Variants in RALGPS1 observed in about 807,000 individuals in gnomAD.
RALGPS1 encodes ras-specific guanine nucleotide-releasing factor RalGPS1.
In RALGPS1, 19 loss-of-function variants were observed where a neutral mutation model predicts 78.8. That is an observed-to-expected ratio of 0.24 (90% CI 0.17 to 0.35). The LOEUF (loss-of-function observed/expected upper bound fraction) is 0.35. Ranked by LOEUF, RALGPS1 falls within the 10% of genes least tolerant of loss-of-function variation. The pLI is 1.00. For missense variants in RALGPS1, 454 were observed against 688.3 expected (o/e 0.66, Z 3.81); for synonymous variants, 228 against 256.3 (o/e 0.89, Z 1.06).
In RALGPS1 at chr9:127,167,924, C is replaced by G. The variant is rs141268244; in HGVS notation, c.749-755C>G. Among the ~76,000 whole-genome samples, 209 of 152,332 alleles carry G rather than the reference C, an allele frequency of 1.4e-3. 3 individuals carry two copies. The highest frequency in any genetic ancestry group is 4.7e-3 in the African/African-American group (194 of 41,576). ...AGAGAGCAGCTGACACCAGTCCCTCCAGAAACGGGCAACACCGTGTGGCAG... is the reference window on the plus strand; with the variant it reads ...AGAGAGCAGCTGACACCAGTCCCTCGAGAAACGGGCAACACCGTGTGGCAG... On this transcript the variant is annotated intron_variant, in intron 9 of 18. Transcript: ENST00000259351.
intron 1 of RALGPS1, among the ~76,000 whole-genome samples, chr9:126,919,870 C>T (rs563556112): frequency 3.9e-5 from 6 of 152,152 alleles, no homozygotes; most frequent in Admixed American, 6.5e-5. Flanking sequence ...TGGGCCAGGT[C>T]GTGGGAGGCG....
chr9:126,964,317 C>T (rs899253491), intron 2 of RALGPS1, among the ~76,000 whole-genome samples: 1 of 145,972 alleles, frequency 6.9e-6, no homozygotes, highest in South Asian at 2.2e-4. Flanking sequence ...TGCAGTGAGC[C>T]GAGATCACAG....
At chr9:126,985,613 G>T (rs1007974696) in intron 4 of RALGPS1, among the ~76,000 whole-genome samples, 1 of 151,916 alleles carries the variant, frequency 6.6e-6, no homozygotes, top group Non-Finnish European at 1.5e-5. Flanking sequence ...ATAATAATAC[G>T]AATATTACTA....
In RALGPS1 at chr9:127,196,525, G is replaced by A. The variant is rs747556533; in HGVS notation, c.1089G>A (p.Ser363=). 8.1e-6 allele frequency: 13 copies of A among 1,614,158 alleles called. No homozygotes were observed. Among genetic ancestry groups the A allele is most frequent in the African/African-American group, 2.7e-5 (2 of 75,050 alleles). The change falls in exon 13 of 19, where the codon TCG becomes TCA. Residue 363 remains serine (S), a synonymous_variant. Transcript: ENST00000259351. ...VVESKSATFP[S]EKARHLLDDS... is the part of the protein sequence containing the mutation. The stretch of plus-strand genomic sequence containing the variant: ...AGAGTAAAAGTGCGACATTCCCATC[G>A]GAGAAAGCAAGGCACCTACTGGACG...
intron 4 of RALGPS1, among the ~76,000 whole-genome samples, chr9:126,981,863 G>T (rs1344603111): frequency 6.6e-6 from 1 of 152,132 alleles, no homozygotes; most frequent in Non-Finnish European, 1.5e-5. Context: ...GAGTGGCTTA[G>T]CTGGGTGGTC....
intron 4 of RALGPS1, among the ~76,000 whole-genome samples, chr9:126,997,923 G>A (rs1342898313): frequency 6.6e-6 from 1 of 152,158 alleles, no homozygotes; most frequent in Non-Finnish European, 1.5e-5. Context: ...ATGGGGAAAG[G>A]ATTCCCTATT....
chr9:127,058,518 A>G (rs1391718003), intron 7 of RALGPS1, among the ~76,000 whole-genome samples: 2 of 152,134 alleles, frequency 1.3e-5, no homozygotes, highest in East Asian at 1.9e-4. Flanking sequence ...GCAGGCTGAT[A>G]TCGGATATGT....
chr9:127,045,707 A>G (rs1019964014), intron 5 of RALGPS1, among the ~76,000 whole-genome samples: 19 of 151,706 alleles, frequency 1.3e-4, no homozygotes, highest in Admixed American at 1.1e-3. Context: ...ATCTTTACAG[A>G]TATGTGTATA....
intron 18 of RALGPS1, chr9:127,217,335 A>G: frequency 2.9e-6 from 3 of 1,022,806 alleles, no homozygotes; most frequent in Non-Finnish European, 3.5e-6. Context: ...AAAGTTGACA[A>G]CAACTGAAAT....
chr9:126,966,841 C>A (rs1468163712), intron 3 of RALGPS1, among the ~76,000 whole-genome samples: 1 of 152,166 alleles, frequency 6.6e-6, no homozygotes, highest in Non-Finnish European at 1.5e-5. Context: ...AACTAAGGGA[C>A]TGTCCCTTGT....
chr9:127,028,262 G>A (rs1222605476), intron 4 of RALGPS1, among the ~76,000 whole-genome samples: 1 of 152,238 alleles, frequency 6.6e-6, no homozygotes, highest in African/African-American at 2.4e-5. Context: ...CAAGCCTGCC[G>A]GAGCCCCGGC....
chr9:127,174,822 A>C, intron 11 of RALGPS1, 40 bp downstream of exon 11: 1 of 1,585,664 alleles, frequency 6.3e-7, no homozygotes, highest in South Asian at 1.1e-5. Flanking sequence ...CCCACTTAAT[A>C]GCCTAATTGT....
intron 8 of RALGPS1, among the ~76,000 whole-genome samples, chr9:127,160,347 G>A (rs2058949308): frequency 6.6e-6 from 1 of 152,210 alleles, no homozygotes; most frequent in Admixed American, 6.5e-5. Flanking sequence ...AAGCAGGTTT[G>A]GCCACCTGCC....
chr9:126,970,434 T>G (rs1380335735), intron 3 of RALGPS1, among the ~76,000 whole-genome samples: 1 of 152,156 alleles, frequency 6.6e-6, no homozygotes, highest in East Asian at 1.9e-4. Context: ...TTGGCAGGGA[T>G]TTTGACTATT....
chr9:127,181,550 T>C (rs1213693917), intron 11 of RALGPS1, among the ~76,000 whole-genome samples: 3 of 152,268 alleles, frequency 2.0e-5, no homozygotes, highest in African/African-American at 7.2e-5. Context: ...TTGACTTTCC[T>C]ACAGTCACTT....
intron 1 of RALGPS1, among the ~76,000 whole-genome samples, chr9:126,939,645 A>T (rs936034316): frequency 3.9e-5 from 6 of 152,254 alleles, no homozygotes; most frequent in African/African-American, 1.4e-4. Context: ...CATAGGTGGT[A>T]GATGGCAGAG....
chr9:126,941,808 T>C (rs1391204393), intron 1 of RALGPS1, among the ~76,000 whole-genome samples: 1 of 152,238 alleles, frequency 6.6e-6, no homozygotes, highest in African/African-American at 2.4e-5. Context: ...TAGTATCCCA[T>C]TGAATGGATG....
At chr9:127,121,176 C>A (rs1408424205) in intron 8 of RALGPS1, among the ~76,000 whole-genome samples, 1 of 152,202 alleles carries the variant, frequency 6.6e-6, no homozygotes, top group Non-Finnish European at 1.5e-5. Flanking sequence ...CAAGTTGAGT[C>A]TGGCATAGAG....
Position 127,220,311 on chromosome 9 carries a change from G to C in RALGPS1, c.*1542G>C, listed in dbSNP as rs1421642547. On this transcript the variant is annotated 3_prime_UTR_variant, in exon 19 of 19. Transcript: ENST00000259351. ...AGAACAACATCTACACCAGTAAAGT[G>C]TAATAGGTCAGTTTCAAAACGACCA... 1.3e-5 allele frequency: 2 copies of C among 152,160 alleles called. No homozygotes were observed. The highest frequency in any genetic ancestry group is 2.9e-5 in the Non-Finnish European group (2 of 68,030). The allele number at this position is 152,160 out of a possible 1,614,324, so 9.4% of individuals were successfully genotyped here. A position where few individuals can be genotyped will look rare whatever the true frequency, so the allele number is the denominator to read the frequency against.
Sources: gnomAD v4.1 joint callset for allele counts (sites outside exome capture counted in the v4.1 genomes callset) on GRCh38, gnomAD v4.1.1 for gene constraint, MANE v1.5 for transcripts, NCBI Gene and HGNC (gene_info 2026-07-23, HGNC 2026-07-21) for gene names.